Variants in PDE8B observed in about 807,000 individuals in gnomAD.
The protein encoded by PDE8B is phosphodiesterase 8B, also known as high affinity cAMP-specific and IBMX-insensitive 3',5'-cyclic phosphodiesterase 8B.
PDE8B carries 26 observed loss-of-function variants against 101.3 expected under a neutral mutation model. The ratio of observed to expected loss-of-function variants is 0.26; its 90% CI spans 0.19 to 0.36. The LOEUF (loss-of-function observed/expected upper bound fraction) is 0.36. Among genes scored for constraint, PDE8B ranks in the 10% least tolerant of loss-of-function variants. The pLI is 1.00. For missense variants in PDE8B, 810 were observed against 1,163.1 expected, an observed-to-expected ratio of 0.70 and a Z score of 4.42; for synonymous variants, 424 against 429.3, an observed-to-expected ratio of 0.99 and a Z score of 0.15.
At chr5:77,224,728 A>G (rs1751944781) in intron 1 of PDE8B, among the ~76,000 whole-genome samples, 2 of 152,234 alleles carry the variant, frequency 1.3e-5, no homozygotes, top group African/African-American at 2.4e-5. Context: ...AGCTATTGCA[A>G]TCAATTGATA....
the PDE8B span, among the ~76,000 whole-genome samples, chr5:77,153,309 T>A: frequency 6.6e-6 from 1 of 152,226 alleles, no homozygotes; most frequent in Non-Finnish European, 1.5e-5. Context: ...ATGCTGAACT[T>A]CCCAAGTATC....
At chr5:77,366,254 A>G (rs930224873) in intron 10 of PDE8B, among the ~76,000 whole-genome samples, 3 of 152,128 alleles carry the variant, frequency 2.0e-5, no homozygotes, top group Admixed American at 1.3e-4. Context: ...AAAATCTTCA[A>G]TAGATCATCG....
chr5:77,370,462 A>T (rs1417465839), intron 10 of PDE8B, among the ~76,000 whole-genome samples: 2 of 152,118 alleles, frequency 1.3e-5, no homozygotes, highest in African/African-American at 2.4e-5. Flanking sequence ...TGTTTTTGAG[A>T]TGTATTTATG....
At chr5:77,424,692 C>G (rs962687122) in intron 20 of PDE8B, among the ~76,000 whole-genome samples, 1 of 152,200 alleles carries the variant, frequency 6.6e-6, no homozygotes, top group African/African-American at 2.4e-5. Context: ...CGTGTACTCC[C>G]ATTTCATCAC....
Position 77,419,781 on chromosome 5 carries a change from C to T in PDE8B, c.2144C>T (p.Thr715Met), listed in dbSNP as rs202138455. The change falls in exon 19 of 22, where the codon ACG becomes ATG. Residue 715 changes from threonine to methionine, a missense_variant. Thr to Met is a moderately conservative substitution (Grantham distance 81). Around this residue, in one of 4 missense-constraint regions of PDE8B, gnomAD observed 325 missense variants for 560.9 expected, o/e 0.58. Transcript: ENST00000264917. ...GGTTATTTTAGGAACCATTATCGAA[C>T]GCTGCGCCAGGCTATTATTGACATG... ...FKNIDRNHYR[T>M]LRQAIIDMVL... 1.5e-4 allele frequency: 244 copies of T among 1,614,000 alleles called. No individual in the cohort carries two copies. In the East Asian group the frequency reaches 2.3e-3, roughly 15 times the overall value.
intron 13 of PDE8B, 106 bp downstream of exon 13, chr5:77,407,563 AGCAAATAACAG>A (rs1793737812): frequency 3.7e-6 from 3 of 806,376 alleles, no homozygotes; most frequent in East Asian, 5.0e-5. Context: ...TAGTGGAAGA[AGCAAATAACAG>A]GCAAATAAAC....
At chr5:77,130,915 T>C in the PDE8B span, among the ~76,000 whole-genome samples, 3 of 152,238 alleles carry the variant, frequency 2.0e-5, no homozygotes, top group African/African-American at 7.2e-5. Context: ...ATTAAGTAGC[T>C]TGCTCAAAGT....
rs538438561 is a variant in PDE8B, at chr5:77,329,510, T to C, written c.650+453T>C. On this transcript the variant is annotated intron_variant, in intron 4 of 21. Coordinates refer to ENST00000264917, the MANE Select transcript of PDE8B (RefSeq NM_003719.5). ...CACAAGACAAGGGTTGTGAAATTGA[T>C]GTTGGGACTGATATGTGGCTAGAGG... 1.1e-4 allele frequency among the ~76,000 whole-genome samples: 16 copies of C among 152,260 alleles called. No individual in the cohort carries two copies. The South Asian group carries it at 3.3e-3, about 32-fold the overall frequency.
chr5:77,215,417 A>T (rs1242664626), intron 1 of PDE8B, among the ~76,000 whole-genome samples: 1 of 152,236 alleles, frequency 6.6e-6, no homozygotes, highest in Non-Finnish European at 1.5e-5. Context: ...GCCATTGTAT[A>T]TATGATTACA....
chr5:77,181,470 G>T, the PDE8B span, among the ~76,000 whole-genome samples: 1 of 152,190 alleles, frequency 6.6e-6, no homozygotes, highest in Non-Finnish European at 1.5e-5. Flanking sequence ...GAGGCTTGCA[G>T]CAGCCTTTAC....
chr5:77,393,128 T>C (rs1256617724), intron 10 of PDE8B, among the ~76,000 whole-genome samples: 3 of 152,196 alleles, frequency 2.0e-5, no homozygotes, highest in Non-Finnish European at 4.4e-5. Context: ...TTACAGTGGC[T>C]CACGCCTGTA....
At chr5:77,252,969 A>G (rs1190957573) in intron 1 of PDE8B, among the ~76,000 whole-genome samples, 2 of 152,188 alleles carry the variant, frequency 1.3e-5, no homozygotes, top group Non-Finnish European at 2.9e-5. Flanking sequence ...TGTAGAGCAA[A>G]GCATTGTACT....
chr5:77,388,907 C>T (rs1438328850), intron 10 of PDE8B, among the ~76,000 whole-genome samples: 4 of 152,118 alleles, frequency 2.6e-5, no homozygotes, highest in African/African-American at 9.7e-5. Context: ...TCAGCAATGG[C>T]AGATACCCCT....
intron 3 of PDE8B, among the ~76,000 whole-genome samples, chr5:77,328,646 T>C (rs1776512928): frequency 6.6e-6 from 1 of 152,216 alleles, no homozygotes; most frequent in Non-Finnish European, 1.5e-5. Context: ...AGGTACATAC[T>C]GATAAGAAGA....
chr5:77,109,943 T>TG, the PDE8B span, among the ~76,000 whole-genome samples: 1 of 128,722 alleles, frequency 7.8e-6, no homozygotes, highest in Non-Finnish European at 1.6e-5. Flanking sequence ...TTTTTTTTTT[T>TG]TTTTTTTTTT....
chr5:77,155,324 C>T, the PDE8B span, among the ~76,000 whole-genome samples: 7 of 152,162 alleles, frequency 4.6e-5, no homozygotes, highest in Admixed American at 2.6e-4. Context: ...CAGGCAGGTC[C>T]GCCCCATAGG....
intron 2 of PDE8B, among the ~76,000 whole-genome samples, chr5:77,317,910 A>G (rs1288987861): frequency 6.6e-6 from 1 of 151,940 alleles, no homozygotes; most frequent in South Asian, 2.1e-4. Context: ...TACAAAAATT[A>G]GTCGGGTGTG....
At chr5:77,198,742 C>T in the PDE8B span, among the ~76,000 whole-genome samples, 5 of 152,150 alleles carry the variant, frequency 3.3e-5, no homozygotes, top group African/African-American at 1.2e-4. Flanking sequence ...CCTGATTATT[C>T]ATCAGAAGTC....
intron 5 of PDE8B, among the ~76,000 whole-genome samples, chr5:77,333,643 G>C (rs766290596): frequency 6.6e-6 from 1 of 152,172 alleles, no homozygotes; most frequent in African/African-American, 2.4e-5. Context: ...GTCTAGAATT[G>C]CTGCCATCTG....
Sources: allele counts gnomAD v4.1 joint callset (sites outside exome capture counted in the v4.1 genomes callset), GRCh38; gene constraint gnomAD v4.1.1; regional missense constraint gnomAD v4.1.1; transcripts MANE v1.5; gene names NCBI Gene and HGNC (gene_info 2026-07-23, HGNC 2026-07-21).